Variants in LRRC37A2 observed in about 807,000 individuals in gnomAD.
LRRC37A2 encodes leucine rich repeat containing 37 member A2.
Under a neutral mutation model 68.8 loss-of-function variants are expected in LRRC37A2, and 9 were observed. That is an observed-to-expected ratio of 0.13 (90% CI 0.08 to 0.23). The LOEUF is 0.23. Ranked by LOEUF, LRRC37A2 falls within the 10% of genes least tolerant of loss-of-function variation. The probability of loss-of-function intolerance (pLI) is 1.00; values close to 1 mark genes in which losing one functional copy is unlikely to be tolerated. For missense variants in LRRC37A2, 168 were observed against 950.4 expected (o/e 0.18, Z 10.82); for synonymous variants, 63 against 367.6 (o/e 0.17, Z 9.48).
chr17:46,931,352 G>A, the LRRC37A2 span: 1 of 676,688 alleles, frequency 1.5e-6, no homozygotes, highest in South Asian at 1.7e-5. Context: ...CCCTCAAAGG[G>A]CACAATTCTA....
the LRRC37A2 span, chr17:46,821,046 T>C: frequency 2.0e-5 from 3 of 152,156 alleles, no homozygotes; most frequent in Non-Finnish European, 2.9e-5. Flanking sequence ...GGCTGAGATA[T>C]GCCCAGCCAG....
At chr17:46,858,978 CTTT>C in the LRRC37A2 span, among the ~76,000 whole-genome samples, 2 of 134,204 alleles carry the variant, frequency 1.5e-5, no homozygotes, top group Non-Finnish European at 1.6e-5. Flanking sequence ...ATAATTTTAG[CTTT>C]TTTTTTTTTT....
the LRRC37A2 span, among the ~76,000 whole-genome samples, chr17:46,862,214 T>C: frequency 4.8e-5 from 7 of 145,054 alleles, no homozygotes; most frequent in Middle Eastern, 3.3e-3. Flanking sequence ...AAAAGTAATA[T>C]AGGAGGTAGG....
At chr17:46,727,450 G>T in the LRRC37A2 span, among the ~76,000 whole-genome samples, 5 of 152,188 alleles carry the variant, frequency 3.3e-5, no homozygotes, top group African/African-American at 1.2e-4. Context: ...CCCAGTGTCT[G>T]AATAATCCCT....
the LRRC37A2 span, among the ~76,000 whole-genome samples, chr17:46,810,123 C>T: frequency 6.6e-6 from 1 of 151,456 alleles, no homozygotes; most frequent in Non-Finnish European, 1.5e-5. Flanking sequence ...TCTCCTGCCT[C>T]AGCCTTCCGA....
the LRRC37A2 span, among the ~76,000 whole-genome samples, chr17:46,694,111 G>T: frequency 1.5e-5 from 2 of 131,046 alleles, 1 homozygote; most frequent in Non-Finnish European, 3.0e-5. Flanking sequence ...TAGGCTGGGC[G>T]CAGTGGCTCA....
chr17:46,964,236 G>A, the LRRC37A2 span: 2 of 152,186 alleles, frequency 1.3e-5, no homozygotes, highest in Non-Finnish European at 2.9e-5. Flanking sequence ...AGGAGGTGTG[G>A]CTTCATCAAA....
the LRRC37A2 span, among the ~76,000 whole-genome samples, chr17:46,918,138 G>A: frequency 2.0e-5 from 3 of 152,136 alleles, no homozygotes; most frequent in African/African-American, 7.2e-5. Flanking sequence ...AGAGTGCAGC[G>A]GCGCGATCTC....
At chr17:46,927,262 T>C in the LRRC37A2 span, among the ~76,000 whole-genome samples, 2 of 152,238 alleles carry the variant, frequency 1.3e-5, no homozygotes, top group Admixed American at 1.3e-4. Flanking sequence ...AACAATTCTT[T>C]ATATATTTTC....
the LRRC37A2 span, chr17:46,830,817 C>G: frequency 2.5e-6 from 1 of 398,464 alleles, no homozygotes; most frequent in Non-Finnish European, 4.4e-6. Flanking sequence ...TTCACACCCC[C>G]TGTTCCATTC....
chr17:46,772,678 C>A, the LRRC37A2 span, among the ~76,000 whole-genome samples: 1 of 152,214 alleles, frequency 6.6e-6, no homozygotes, highest in African/African-American at 2.4e-5. Flanking sequence ...CAATAGCCAG[C>A]ACTTTGCCTG....
the LRRC37A2 span, among the ~76,000 whole-genome samples, chr17:46,862,027 G>A: frequency 6.6e-6 from 1 of 152,048 alleles, no homozygotes; most frequent in African/African-American, 2.4e-5. Context: ...GCTGGGCGTG[G>A]TGACAGCCGC....
chr17:47,017,636 G>C, the LRRC37A2 span: 1 of 1,608,996 alleles, frequency 6.2e-7, no homozygotes, highest in South Asian at 1.1e-5. Flanking sequence ...TTTCACCCAA[G>C]AAGCTGAAGA....
the LRRC37A2 span, among the ~76,000 whole-genome samples, chr17:46,983,172 G>A: frequency 6.6e-6 from 1 of 152,012 alleles, no homozygotes; most frequent in African/African-American, 2.4e-5. Context: ...ATGTGGTCTG[G>A]CCATTGTCTA....
At chr17:47,000,074 T>TA in the LRRC37A2 span, among the ~76,000 whole-genome samples, 21 of 64,460 alleles carry the variant, frequency 3.3e-4, 2 homozygotes, top group East Asian at 2.7e-3. Context: ...TAAAATAAAA[T>TA]AAAAAATAAA....
At chr17:46,981,570 A>C in the LRRC37A2 span, among the ~76,000 whole-genome samples, 2 of 152,224 alleles carry the variant, frequency 1.3e-5, no homozygotes, top group Non-Finnish European at 2.9e-5. Context: ...TTCTATTTAT[A>C]AATTGCCCTC....
At chr17:46,872,311 C>G in the LRRC37A2 span, among the ~76,000 whole-genome samples, 104 of 152,354 alleles carry the variant, frequency 6.8e-4, no homozygotes, top group Middle Eastern at 6.8e-3. Context: ...AGACCGGAAT[C>G]TGGAAAACAG....
At chr17:46,772,446 C>G in the LRRC37A2 span, among the ~76,000 whole-genome samples, 2 of 152,212 alleles carry the variant, frequency 1.3e-5, no homozygotes, top group Non-Finnish European at 2.9e-5. Flanking sequence ...CGCGTCTAGA[C>G]GCAGGGTTGT....
chr17:46,497,258 G>A, the LRRC37A2 span, among the ~76,000 whole-genome samples: 3 of 142,186 alleles, frequency 2.1e-5, no homozygotes, highest in Non-Finnish European at 3.0e-5. Flanking sequence ...ATCTGACAGC[G>A]TCTTTTAATT....
Sources: allele counts gnomAD v4.1 joint callset (sites outside exome capture counted in the v4.1 genomes callset), GRCh38; gene constraint gnomAD v4.1.1; transcripts MANE v1.5; gene names NCBI Gene and HGNC (gene_info 2026-07-23, HGNC 2026-07-21).